ABI3BP: variants seen among roughly 807,000 people sequenced by gnomAD.
ABI3BP encodes the protein target of Nesh-SH3.
A neutral mutation model predicts 268.6 loss-of-function variants in ABI3BP; 216 were observed. The observed-to-expected ratio is 0.80, with a 90% CI of 0.72 to 0.90. The LOEUF (loss-of-function observed/expected upper bound fraction) is 0.90. Ranked by LOEUF, ABI3BP falls within the 40% of genes least tolerant of loss-of-function variation. The pLI is 0.00. For synonymous variants in ABI3BP, 730 were observed against 730.0 expected (o/e 1.00, Z 0.00); for missense variants, 2,090 against 2,182.4 (o/e 0.96, Z 0.84).
intron 24 of ABI3BP, among the ~76,000 whole-genome samples, chr3:100,839,227 T>C (rs979423102): frequency 5.9e-5 from 9 of 152,076 alleles, no homozygotes; most frequent in African/African-American, 1.9e-4. Flanking sequence ...GGCACTGGAG[T>C]AAAATTTTGC....
intron 17 of ABI3BP, among the ~76,000 whole-genome samples, chr3:100,849,347 C>G (rs557712247): frequency 6.6e-6 from 1 of 151,622 alleles, no homozygotes; most frequent in East Asian, 2.0e-4. Context: ...CCTCAGCGTC[C>G]TGAGTAGCTG....
intron 9 of ABI3BP, among the ~76,000 whole-genome samples, chr3:100,871,823 T>G (rs1354585181): frequency 6.6e-6 from 1 of 152,220 alleles, no homozygotes; most frequent in Non-Finnish European, 1.5e-5. Flanking sequence ...AAATTTTCTA[T>G]GTGTTCTTTT....
chr3:100,933,800 C>G (rs578131501), intron 1 of ABI3BP, among the ~76,000 whole-genome samples: 2 of 151,738 alleles, frequency 1.3e-5, no homozygotes, highest in African/African-American at 4.8e-5. Context: ...TGCCCAACAT[C>G]TGGGTTTGGG....
chr3:100,963,644 A>G (rs576568714), intron 1 of ABI3BP, among the ~76,000 whole-genome samples: 1 of 152,288 alleles, frequency 6.6e-6, no homozygotes, highest in Non-Finnish European at 1.5e-5. Flanking sequence ...CCTCCAATGT[A>G]TGTTAGCCCC....
Position 100,926,342 on chromosome 3 carries a change from G to A in ABI3BP, c.219C>T (p.Phe73=), listed in dbSNP as rs1285322653. 9 of 1,613,378 alleles carry A rather than the reference G, an allele frequency of 5.6e-6. No homozygotes were observed. The highest frequency in any genetic ancestry group is 1.3e-5 in the African/African-American group (1 of 74,868). ...YGSNVSPNQY[F]PLPAEGKFTE... ...TGAATTTCCCTTCAGCGGGAAGAGG[G>A]AAGTACTGGTTTGGTGATACATTGC... Residue 73 remains phenylalanine (F), a synonymous_variant, in exon 2 of 68, where the codon TTC becomes TTT. Coordinates refer to ENST00000471714, the MANE Select transcript of ABI3BP (RefSeq NM_001375547.2).
At chr3:100,780,000 G>A in intron 58 of ABI3BP, 132 bp downstream of exon 58, 2 of 706,572 alleles carry the variant, frequency 2.8e-6, no homozygotes, top group Non-Finnish European at 2.5e-6. Context: ...CAATACCCAT[G>A]CACTGTGTGT....
intron 4 of ABI3BP, among the ~76,000 whole-genome samples, chr3:100,894,447 A>G (rs963303267): frequency 2.0e-5 from 3 of 152,108 alleles, no homozygotes; most frequent in Non-Finnish European, 4.4e-5. Flanking sequence ...CCAGGAAGTA[A>G]CGGTGGGCAA....
intron 1 of ABI3BP, among the ~76,000 whole-genome samples, chr3:100,960,026 A>G (rs2078440410): frequency 6.6e-6 from 1 of 152,242 alleles, no homozygotes; most frequent in South Asian, 2.1e-4. Flanking sequence ...CAAATCAATC[A>G]ACATAACCAG....
At chr3:100,990,272 G>A (rs2092706720) in intron 1 of ABI3BP, among the ~76,000 whole-genome samples, 1 of 152,134 alleles carries the variant, frequency 6.6e-6, no homozygotes, top group Non-Finnish European at 1.5e-5. Flanking sequence ...TTGAAAATCT[G>A]TTATGTGCCA....
At chr3:100,884,252 A>G (rs1349467819) in intron 6 of ABI3BP, among the ~76,000 whole-genome samples, 1 of 152,024 alleles carries the variant, frequency 6.6e-6, no homozygotes, top group Non-Finnish European at 1.5e-5. Flanking sequence ...AAAACAAAAA[A>G]CCAACCAAAC....
intron 1 of ABI3BP, among the ~76,000 whole-genome samples, chr3:100,934,691 G>A (rs2065239541): frequency 6.6e-6 from 1 of 152,100 alleles, no homozygotes; most frequent in Admixed American, 6.6e-5. Context: ...GGCATGAGAT[G>A]GTATCTCATT....
chr3:100,838,060 A>G, intron 26 of ABI3BP, 150 bp downstream of exon 26: 1 of 849,616 alleles, frequency 1.2e-6, no homozygotes, highest in Non-Finnish European at 1.8e-6. Context: ...TTAGCACTTA[A>G]AACATCAGTG....
chr3:100,981,729 C>T (rs1395717719), intron 1 of ABI3BP, among the ~76,000 whole-genome samples: 1 of 152,174 alleles, frequency 6.6e-6, no homozygotes, highest in Non-Finnish European at 1.5e-5. Flanking sequence ...GAGTGGGATG[C>T]TCATGGCAAG....
Position 100,821,094 on chromosome 3 carries a change from T to A in ABI3BP, c.2907A>T (p.Lys969Asn), listed in dbSNP as rs184974674. 84 of 1,535,920 alleles carry A rather than the reference T, an allele frequency of 5.5e-5. No homozygotes were observed. In the African/African-American group the frequency reaches 1.0e-3, roughly 19 times the overall value. ...ESKPVPTAEL[K>N]PVTLRTETWV... ...AAGTCTCAGTTCTGAGTGTAACAGG[T>A]TTGAGCTCCGCAGTAGGAACTGATC... The change falls in exon 39 of 68, where the codon AAA becomes AAT. Residue 969 changes from lysine to asparagine, a missense_variant. Coordinates refer to ENST00000471714, the MANE Select transcript of ABI3BP (RefSeq NM_001375547.2).
chr3:100,823,337 A>G, intron 37 of ABI3BP, 121 bp downstream of exon 37: 1 of 835,466 alleles, frequency 1.2e-6, no homozygotes, highest in Non-Finnish European at 1.8e-6. Context: ...TAAGAGTCTT[A>G]TAATTTCAAG....
rs1561732134 is a variant in ABI3BP at position 100,926,378 on chromosome 3, CAGG to C, written c.180_182del (p.Leu61del). The C allele has an allele frequency of 1.2e-6, 2 of 1,613,558 alleles. No individual in the cohort carries two copies. Among genetic ancestry groups the C allele is most frequent in the East Asian group, 2.2e-5 (1 of 44,856 alleles). ...TTGGTGATACATTGCTGCCATATCC[CAGG>C]AGAAGACCTTCAAGCTTTACATTTG... On this transcript the variant is annotated inframe_deletion, in exon 2 of 68. Coordinates refer to ENST00000471714, the MANE Select transcript of ABI3BP (RefSeq NM_001375547.2).
At chr3:100,842,253 A>G (rs2098714892) in intron 20 of ABI3BP, among the ~76,000 whole-genome samples, 1 of 152,006 alleles carries the variant, frequency 6.6e-6, no homozygotes, top group South Asian at 2.1e-4. Flanking sequence ...TGTTACCGTC[A>G]CTTCCCAATA....
At chr3:100,832,571 A>G (rs2098511579) in intron 30 of ABI3BP, among the ~76,000 whole-genome samples, 1 of 152,174 alleles carries the variant, frequency 6.6e-6, no homozygotes, top group East Asian at 1.9e-4. Flanking sequence ...TTTAAGAAAC[A>G]AACATTAGAA....
intron 42 of ABI3BP, among the ~76,000 whole-genome samples, chr3:100,817,035 C>T (rs774418134): frequency 5.3e-5 from 8 of 152,142 alleles, no homozygotes; most frequent in Non-Finnish European, 1.2e-4. Context: ...GTCTCAGGCT[C>T]ACACTAAATC....
Sources: gnomAD v4.1 joint callset for allele counts (sites outside exome capture counted in the v4.1 genomes callset) on GRCh38, gnomAD v4.1.1 for gene constraint, MANE v1.5 for transcripts, NCBI Gene and HGNC (gene_info 2026-07-23, HGNC 2026-07-21) for gene names.